The following KLHL29 variants were observed in gnomAD, a reference collection of about 807,000 sequenced individuals.
KLHL29 encodes the protein kelch like family member 29, also known as kelch-like protein 29.
In KLHL29, 21 loss-of-function variants were observed where a neutral mutation model predicts 80.4. The ratio of observed to expected loss-of-function variants is 0.26; its 90% CI spans 0.19 to 0.38. The LOEUF is 0.38. Among genes scored for constraint, KLHL29 ranks in the 10% least tolerant of loss-of-function variants. The pLI, the probability that KLHL29 is intolerant of heterozygous loss-of-function variation, is 1.00. For missense variants in KLHL29, 867 were observed against 1,223.9 expected (o/e 0.71, Z 4.35); for synonymous variants, 511 against 526.8 (o/e 0.97, Z 0.41).
At chr2:23,400,945 C>T (rs754899698) in intron 1 of KLHL29, among the ~76,000 whole-genome samples, 2 of 152,238 alleles carry the variant, frequency 1.3e-5, no homozygotes, top group South Asian at 2.1e-4. Context: ...TCTCTTGGAG[C>T]GTAGCTACCT....
At chr2:23,611,810 T>C (rs1308418904) in intron 3 of KLHL29, among the ~76,000 whole-genome samples, 1 of 151,906 alleles carries the variant, frequency 6.6e-6, no homozygotes, top group Non-Finnish European at 1.5e-5. Flanking sequence ...TATATATCTT[T>C]TTAAAAACCC....
chr2:23,439,349 C>G (rs1663443110), intron 1 of KLHL29, among the ~76,000 whole-genome samples: 2 of 152,096 alleles, frequency 1.3e-5, no homozygotes, highest in African/African-American at 4.8e-5. Flanking sequence ...TTGCCTTCTG[C>G]TAGCTTTTGA....
At chr2:23,396,003 G>A (rs539354340) in intron 1 of KLHL29, among the ~76,000 whole-genome samples, 1 of 152,244 alleles carries the variant, frequency 6.6e-6, no homozygotes, top group Non-Finnish European at 1.5e-5. Flanking sequence ...GGTAGGCGTA[G>A]AGAACTGCCT....
intron 13 of KLHL29, among the ~76,000 whole-genome samples, chr2:23,705,816 A>G (rs1317584630): frequency 2.6e-5 from 4 of 152,232 alleles, no homozygotes; most frequent in Non-Finnish European, 4.4e-5. Flanking sequence ...GCAAAGAAGT[A>G]GCTGAAATGC....
intron 1 of KLHL29, among the ~76,000 whole-genome samples, chr2:23,441,225 A>G (rs1488997218): frequency 1.3e-5 from 2 of 151,646 alleles, no homozygotes; most frequent in Non-Finnish European, 2.9e-5. Flanking sequence ...AAACTATCAC[A>G]AAGTCAAAAA....
At chr2:23,422,261 CTG>C (rs1445067719) in intron 1 of KLHL29, among the ~76,000 whole-genome samples, 1 of 150,970 alleles carries the variant, frequency 6.6e-6, no homozygotes, top group Non-Finnish European at 1.5e-5. Flanking sequence ...GTGTCTGTGT[CTG>C]TGTGTGCCTA....
chr2:23,438,087 T>C (rs1041275348), intron 1 of KLHL29, among the ~76,000 whole-genome samples: 3 of 150,866 alleles, frequency 2.0e-5, no homozygotes, highest in Non-Finnish European at 4.4e-5. Context: ...GAATGGGAGT[T>C]CACTCATGAT....
At chr2:23,406,285 A>ATGTG in intron 1 of KLHL29, among the ~76,000 whole-genome samples, 1 of 145,326 alleles carries the variant, frequency 6.9e-6, no homozygotes, top group Non-Finnish European at 1.5e-5. Context: ...CCAAGATCAC[A>ATGTG]CCACTGCACT....
intron 1 of KLHL29, among the ~76,000 whole-genome samples, chr2:23,459,617 C>T (rs929162773): frequency 7.2e-5 from 11 of 152,216 alleles, no homozygotes; most frequent in African/African-American, 2.7e-4. Flanking sequence ...GCAAGACTTG[C>T]ATTCAGCCTG....
At chr2:23,567,400 G>A (rs959832976) in intron 3 of KLHL29, among the ~76,000 whole-genome samples, 3 of 152,210 alleles carry the variant, frequency 2.0e-5, no homozygotes, top group Admixed American at 6.5e-5. Flanking sequence ...GAAGCAGAGC[G>A]ACTTCGCCTG....
intron 5 of KLHL29, among the ~76,000 whole-genome samples, chr2:23,663,248 G>A (rs1670464674): frequency 6.6e-6 from 1 of 152,256 alleles, no homozygotes; most frequent in African/African-American, 2.4e-5. Flanking sequence ...TGGCCCAGTA[G>A]CAAGCAACCC....
At chr2:23,493,301 C>T (rs377036648) in intron 2 of KLHL29, among the ~76,000 whole-genome samples, 16 of 152,274 alleles carry the variant, frequency 1.1e-4, no homozygotes, top group African/African-American at 3.6e-4. Context: ...GATGTTCATG[C>T]ACCCCCAATA....
rs189502071 is a variant in KLHL29 at position 23,407,938 on chromosome 2, G to A, written c.-154+22158G>A. On this transcript the variant is annotated intron_variant, in intron 1 of 13. Transcript: ENST00000486442. ...GTTGTTGTTGTTGTTGTTTTGAGAC[G>A]GAGTTTCTTGTCATCCAGGCTGGAG... 5.0e-4 allele frequency among the ~76,000 whole-genome samples: 76 copies of A among 151,788 alleles called. 2 individuals are homozygous for A. The highest frequency in any genetic ancestry group is 1.6e-3 in the African/African-American group (66 of 41,360).
rs947659659 is a variant in KLHL29, at chr2:23,700,605, C to A, written c.2106-2581C>A. ...CATGACGTTTTCCCTAGAGAGCTGGCTGTTAAACATTCATCAGCATTCCAT... is the reference window on the plus strand; with the variant it reads ...CATGACGTTTTCCCTAGAGAGCTGGATGTTAAACATTCATCAGCATTCCAT... On this transcript the variant is annotated intron_variant, in intron 11 of 13. Transcript: ENST00000486442. This position sits in a 1 kb window ranked among gnomAD's most constrained non-coding sequence, Gnocchi z 4.6. Among the ~76,000 whole-genome samples the A allele has an allele frequency of 2.0e-5, 3 of 152,198 alleles. No individual in the cohort carries two copies. Among genetic ancestry groups the A allele is most frequent in the African/African-American group, 7.2e-5 (3 of 41,446 alleles).
intron 2 of KLHL29, among the ~76,000 whole-genome samples, chr2:23,540,021 ACT>A (rs1467445434): frequency 6.6e-6 from 1 of 151,932 alleles, no homozygotes. Context: ...CTGTGAGTTG[ACT>A]CTGGCATCCT....
intron 2 of KLHL29, chr2:23,532,592 C>A (rs1350165410): frequency 2.2e-6 from 1 of 456,734 alleles, no homozygotes; most frequent in East Asian, 6.9e-5. Context: ...ACACTTCCTT[C>A]AAGAATGCAC....
rs200775762 is a variant in KLHL29, at chr2:23,695,611, T to C, written c.1543-12T>C. ...GCTAGTCTAAGAAGATTCTGTCTCC[T>C]GTACCCTGCAGTACGCGGCTGAGCT... On this transcript the variant is annotated splice_polypyrimidine_tract_variant and intron_variant, in intron 8 of 13. Transcript: ENST00000486442. This position sits in a 1 kb window ranked among gnomAD's most constrained non-coding sequence, Gnocchi z 7.6. The C allele has an allele frequency of 1.2e-3, 1,827 of 1,542,780 alleles. 9 individuals are homozygous for C. Among genetic ancestry groups the C allele is most frequent in the Non-Finnish European group, 5.0e-4 (568 of 1,142,362 alleles).
intron 3 of KLHL29, among the ~76,000 whole-genome samples, chr2:23,591,853 G>A (rs1032312839): frequency 6.6e-6 from 1 of 152,194 alleles, no homozygotes; most frequent in Admixed American, 6.5e-5. Flanking sequence ...TGGGAGCGGT[G>A]CACATTCTCA....
At chr2:23,543,610 G>C (rs143128150) in intron 2 of KLHL29, among the ~76,000 whole-genome samples, 1 of 152,334 alleles carries the variant, frequency 6.6e-6, no homozygotes, top group African/African-American at 2.4e-5. Flanking sequence ...AGACCTTCCA[G>C]ATGGGGGAAA....
Sources: allele counts gnomAD v4.1 joint callset (sites outside exome capture counted in the v4.1 genomes callset), GRCh38; gene constraint gnomAD v4.1.1; non-coding constraint Gnocchi (gnomAD v3.1); transcripts MANE v1.5; gene names NCBI Gene and HGNC (gene_info 2026-07-23, HGNC 2026-07-21).